The following CLEC5A variants were observed in gnomAD, a reference collection of about 807,000 sequenced individuals.
CLEC5A encodes the protein C-type lectin domain family 5 member A.
A neutral mutation model predicts 24.4 loss-of-function variants in CLEC5A; 15 were observed. The ratio of observed to expected loss-of-function variants is 0.62; its 90% CI spans 0.41 to 0.95. CLEC5A has a LOEUF of 0.95. Among genes scored for constraint, CLEC5A ranks in the 40% least tolerant of loss-of-function variants. CLEC5A has a pLI of 0.00. For synonymous variants in CLEC5A, 71 were observed against 72.6 expected (o/e 0.98, Z 0.11); for missense variants, 211 against 224.0 (o/e 0.94, Z 0.37).
intron 4 of CLEC5A, among the ~76,000 whole-genome samples, chr7:141,942,777 G>T (rs1490939407): frequency 6.6e-6 from 1 of 152,054 alleles, no homozygotes; most frequent in African/African-American, 2.4e-5. Context: ...GATCTGAATA[G>T]ACATTTCTCC....
At chr7:141,930,331 G>A (rs1563072709) in intron 6 of CLEC5A, 113 bp from the exon 7 acceptor site, 1 of 777,404 alleles carries the variant, frequency 1.3e-6, no homozygotes, top group Non-Finnish European at 2.1e-6. Context: ...TCTTGCAGGA[G>A]TTTTGCCTGG....
chr7:141,936,279 T>G (rs1289645174), intron 4 of CLEC5A: 1 of 326,580 alleles, frequency 3.1e-6, no homozygotes, highest in East Asian at 8.9e-5. Flanking sequence ...AGTACCTGGA[T>G]AGCTGAAAGA....
rs118162062 is a variant in CLEC5A at position 141,930,182 on chromosome 7, G to C, written c.489C>G (p.Thr163=). ...CATCAAATGTCTTTGTTAGGCCAAT[G>C]GTCGCACAGTTGAAATTCTGATTCT... ...TNQNQNFNCA[T]IGLTKTFDAA... Residue 163 remains threonine (T), a synonymous_variant, in exon 7 of 7, where the codon ACC becomes ACG. Transcript: ENST00000546910. The C allele has an allele frequency of 6.2e-7, 1 of 1,613,772 alleles. No individual in the cohort carries two copies. Among genetic ancestry groups the C allele is most frequent in the East Asian group, 2.2e-5 (1 of 44,890 alleles).
chr7:141,937,615 G>A (rs781804494), intron 4 of CLEC5A, among the ~76,000 whole-genome samples: 3 of 152,196 alleles, frequency 2.0e-5, no homozygotes, highest in Non-Finnish European at 4.4e-5. Context: ...GCCCTGAAGG[G>A]GAGGTCACAG....
At chr7:141,937,806 C>G (rs1213406774) in intron 4 of CLEC5A, among the ~76,000 whole-genome samples, 1 of 152,202 alleles carries the variant, frequency 6.6e-6, no homozygotes, top group Non-Finnish European at 1.5e-5. Context: ...ACCCCACTCC[C>G]AGGTCTGGGA....
intron 2 of CLEC5A, 130 bp downstream of exon 2, chr7:141,946,084 G>T: frequency 4.2e-6 from 4 of 947,442 alleles, no homozygotes; most frequent in South Asian, 1.6e-5. Context: ...ATTGACCTCA[G>T]GTTGGGTCAG....
rs1802397000 is a variant in CLEC5A, at chr7:141,929,840, G to A, written c.*264C>T. The A allele has an allele frequency of 8.0e-6, 3 of 374,656 alleles. No individual in the cohort carries two copies. Among genetic ancestry groups the A allele is most frequent in the Non-Finnish European group, 1.5e-5 (3 of 206,542 alleles). 23.2% of individuals were successfully genotyped at this position (374,656 alleles called of 1,614,324 possible). A position where few individuals can be genotyped will look rare whatever the true frequency, so the allele number is the denominator to read the frequency against. On this transcript the variant is annotated 3_prime_UTR_variant, in exon 7 of 7. Coordinates refer to ENST00000546910, the MANE Select transcript of CLEC5A (RefSeq NM_013252.3). The stretch of plus-strand genomic sequence containing the variant: ...AAAACAAACCCTGTCAACAGACTAG[G>A]CCTTTTTGATCAGTCAGAAATGCTC...
intron 3 of CLEC5A, among the ~76,000 whole-genome samples, chr7:141,944,167 C>T (rs1444066099): frequency 6.6e-6 from 1 of 152,112 alleles, no homozygotes; most frequent in Non-Finnish European, 1.5e-5. Flanking sequence ...ACACCCAAAT[C>T]CTATTTCATG....
At chr7:141,936,127 A>G (rs1802616467) in intron 4 of CLEC5A, 177 bp from the exon 5 acceptor site, 11 of 604,162 alleles carry the variant, frequency 1.8e-5, no homozygotes, top group East Asian at 1.1e-4. Context: ...TGACAATAAT[A>G]TAAGGAGAAT....
intron 5 of CLEC5A, 21 bp downstream of exon 5, chr7:141,935,793 G>A: frequency 6.2e-7 from 1 of 1,612,770 alleles, no homozygotes; most frequent in Non-Finnish European, 8.5e-7. Flanking sequence ...TGGCTTTACT[G>A]TACCATTCCA....
chr7:141,931,669 G>A (rs1278531715), intron 6 of CLEC5A, 51 bp downstream of exon 6: 1 of 976,708 alleles, frequency 1.0e-6, no homozygotes, highest in Admixed American at 1.7e-5. Context: ...CTCAGGTTTG[G>A]TCTTTTGAAG....
At chr7:141,945,678 C>A (rs1218813003) in intron 2 of CLEC5A, 1 of 475,138 alleles carries the variant, frequency 2.1e-6, no homozygotes, top group South Asian at 2.3e-5. Context: ...CGTTTCCTTC[C>A]TCATTTATTT....
intron 3 of CLEC5A, among the ~76,000 whole-genome samples, chr7:141,944,935 G>A (rs1419971295): frequency 1.3e-5 from 2 of 152,144 alleles, no homozygotes; most frequent in African/African-American, 2.4e-5. Context: ...ATGAGAAACG[G>A]TCTTTCTCCT....
chr7:141,931,456 T>G, intron 6 of CLEC5A: 1 of 511,472 alleles, frequency 2.0e-6, no homozygotes, highest in Non-Finnish European at 3.4e-6. Flanking sequence ...GAATGCTATG[T>G]AGGTGGATTT....
chr7:141,941,935 C>CA (rs1661475817), intron 4 of CLEC5A, among the ~76,000 whole-genome samples: 1 of 151,600 alleles, frequency 6.6e-6, no homozygotes, highest in African/African-American at 2.4e-5. Context: ...ACAAGGACAC[C>CA]AAAAAATAGA....
intron 3 of CLEC5A, among the ~76,000 whole-genome samples, 191 bp from the exon 4 acceptor site, chr7:141,944,155 T>G (rs1392248812): frequency 6.6e-6 from 1 of 152,144 alleles, no homozygotes; most frequent in African/African-American, 2.4e-5. Context: ...TTTGTCAACT[T>G]GACACCCAAA....
intron 6 of CLEC5A, among the ~76,000 whole-genome samples, chr7:141,931,188 A>G (rs1802446198): frequency 6.6e-6 from 1 of 152,188 alleles, no homozygotes; most frequent in Admixed American, 6.5e-5. Flanking sequence ...TGTACTTTGT[A>G]ATAAAATGTG....
At chr7:141,938,614 A>G (rs1191464457) in intron 4 of CLEC5A, among the ~76,000 whole-genome samples, 2 of 152,216 alleles carry the variant, frequency 1.3e-5, no homozygotes, top group Admixed American at 6.5e-5. Context: ...AGGGAAAGAT[A>G]TCAATATCCA....
rs565235910 is a variant in CLEC5A at position 141,930,294 on chromosome 7, A to C, written c.453-76T>G. 9 of 1,108,102 alleles carry C rather than the reference A, an allele frequency of 8.1e-6. 1 individual carries two copies. In the East Asian group the frequency reaches 2.2e-4, roughly 27 times the overall value. The allele number at this position is 1,108,102 out of a possible 1,614,324, so 68.6% of individuals were successfully genotyped here. A position where few individuals can be genotyped will look rare whatever the true frequency, so the allele number is the denominator to read the frequency against. On this transcript the variant is annotated intron_variant, in intron 6 of 6. Transcript: ENST00000546910. ...TGGTGATGGCCCATCATTTTAGCCC[A>C]GCCTCTTCCTGATTCCAGAGTGAGA...
Sources: allele counts gnomAD v4.1 joint callset (sites outside exome capture counted in the v4.1 genomes callset), GRCh38; gene constraint gnomAD v4.1.1; transcripts MANE v1.5; gene names NCBI Gene and HGNC (gene_info 2026-07-23, HGNC 2026-07-21).